KCNH8: variants seen among roughly 807,000 people sequenced by gnomAD.
The protein encoded by KCNH8 is potassium voltage-gated channel subfamily H member 8.
In KCNH8, 70 loss-of-function variants were observed where a neutral mutation model predicts 103.6. The observed-to-expected ratio is 0.68, with a 90% CI of 0.56 to 0.82. KCNH8 has a LOEUF of 0.82. Among genes scored for constraint, KCNH8 ranks in the 40% least tolerant of loss-of-function variants. The pLI, the probability that KCNH8 is intolerant of heterozygous loss-of-function variation, is 0.00. For missense variants in KCNH8, 1,217 were observed against 1,329.9 expected, an observed-to-expected ratio of 0.92 and a Z score of 1.32; for synonymous variants, 498 against 489.4, an observed-to-expected ratio of 1.02 and a Z score of -0.23.
intron 7 of KCNH8, among the ~76,000 whole-genome samples, chr3:19,431,592 C>CAGAA (rs1225771298): frequency 5.3e-5 from 8 of 152,112 alleles, no homozygotes; most frequent in African/African-American, 1.7e-4. Flanking sequence ...AGACTTCAGC[C>CAGAA]AGAAATCTGT....
chr3:19,193,238 C>T (rs1028315018), intron 1 of KCNH8, among the ~76,000 whole-genome samples: 1 of 151,418 alleles, frequency 6.6e-6, no homozygotes, highest in African/African-American at 2.4e-5. Flanking sequence ...TTTGCAAGAC[C>T]TGTAATTTGG....
At chr3:19,444,461 CA>C (rs149352791) in intron 8 of KCNH8, among the ~76,000 whole-genome samples, 2,056 of 151,952 alleles carry the variant, frequency 0.014, 46 homozygotes, top group African/African-American at 0.045. Context: ...GTTTCCTAAT[CA>C]TGACACAAAA....
At chr3:19,477,417 TG>T (rs2067999651) in intron 11 of KCNH8, among the ~76,000 whole-genome samples, 1 of 149,214 alleles carries the variant, frequency 6.7e-6, no homozygotes, top group East Asian at 2.1e-4. Context: ...AGGATTTTTT[TG>T]GTTTTCTTTT....
intron 1 of KCNH8, among the ~76,000 whole-genome samples, chr3:19,162,050 C>G (rs944699347): frequency 2.0e-5 from 3 of 151,932 alleles, no homozygotes; most frequent in African/African-American, 7.2e-5. Flanking sequence ...AGTTATTAGT[C>G]TTTTCTAAAT....
intron 2 of KCNH8, 54 bp from the exon 3 acceptor site, chr3:19,281,144 A>T: frequency 1.3e-6 from 2 of 1,567,124 alleles, no homozygotes; most frequent in African/African-American, 1.4e-5. Flanking sequence ...AGATTTCCAT[A>T]GAGATAACAC....
chr3:19,346,650 A>T lies in KCNH8; in HGVS notation c.571-1075A>T, dbSNP rs1184511255. The T allele has an allele frequency of 6.6e-6, 3 of 456,252 alleles. No individual in the cohort carries two copies. In the East Asian group the frequency reaches 2.1e-4, roughly 32 times the overall value. The allele number at this position is 456,252 out of a possible 1,614,324, so 28.3% of individuals were successfully genotyped here. A position where few individuals can be genotyped will look rare whatever the true frequency, so the allele number is the denominator to read the frequency against. The stretch of plus-strand genomic sequence containing the variant: ...CTTTCTGAACCTTTCTTGAATCCTC[A>T]GGTACTTCAGGATCCCTGAACACAT... On this transcript the variant is annotated intron_variant, in intron 4 of 15. Transcript: ENST00000328405.
intron 3 of KCNH8, among the ~76,000 whole-genome samples, chr3:19,307,478 C>T (rs1245178027): frequency 4.6e-5 from 7 of 151,832 alleles, no homozygotes; most frequent in East Asian, 3.9e-4. Flanking sequence ...AAGGACAGTA[C>T]GGAAGTTCTT....
chr3:19,180,742 A>G (rs2063444446), intron 1 of KCNH8, among the ~76,000 whole-genome samples: 3 of 152,114 alleles, frequency 2.0e-5, no homozygotes. Context: ...AATCTCCCCA[A>G]AAAGACTATT....
At chr3:19,420,721 T>C (rs930237520) in intron 7 of KCNH8, among the ~76,000 whole-genome samples, 4 of 152,218 alleles carry the variant, frequency 2.6e-5, no homozygotes, top group Non-Finnish European at 5.9e-5. Context: ...CAGTGCTTTA[T>C]ATGTTTCATA....
chr3:19,347,915 C>T lies in KCNH8; in HGVS notation c.761C>T (p.Thr254Ile). 1 of 1,613,270 alleles carries T rather than the reference C, an allele frequency of 6.2e-7. No homozygotes were observed. The highest frequency in any genetic ancestry group is 8.5e-7 in the Non-Finnish European group (1 of 1,179,426). Residue 254 changes from threonine (T) to isoleucine (I), a missense_variant, in exon 5 of 16, where the codon ACT becomes ATT. Thr to Ile is a moderately conservative substitution (Grantham distance 89). Coordinates refer to ENST00000328405, the MANE Select transcript of KCNH8 (RefSeq NM_144633.3). ...CFIGNDDLST[T>I]RSTTVSDIAV... Reference sequence around the variant, plus strand: ...ATTGGCAATGACGACCTGTCCACAACTCGGAGCACAACCGTCAGTGACATT... The same window carrying T: ...ATTGGCAATGACGACCTGTCCACAATTCGGAGCACAACCGTCAGTGACATT...
At chr3:19,299,954 A>G (rs1370506541) in intron 3 of KCNH8, among the ~76,000 whole-genome samples, 1 of 152,168 alleles carries the variant, frequency 6.6e-6, no homozygotes, top group African/African-American at 2.4e-5. Context: ...AAGTATATAT[A>G]AAAGAAAATA....
intron 13 of KCNH8, 103 bp downstream of exon 13, chr3:19,513,428 CT>C: frequency 1.4e-6 from 2 of 1,433,008 alleles, no homozygotes; most frequent in Non-Finnish European, 1.9e-6. Context: ...CCACAGATTC[CT>C]AGCCTGGAAT....
chr3:19,431,413 G>A (rs554126360), intron 7 of KCNH8, among the ~76,000 whole-genome samples: 7 of 152,146 alleles, frequency 4.6e-5, no homozygotes, highest in African/African-American at 9.6e-5. Flanking sequence ...TTTTTGCATC[G>A]ATGTTCATCA....
intron 7 of KCNH8, among the ~76,000 whole-genome samples, chr3:19,429,087 T>C (rs1203279947): frequency 2.0e-5 from 3 of 152,116 alleles, no homozygotes; most frequent in Middle Eastern, 3.2e-3. Flanking sequence ...CCACTACTTA[T>C]TGTTTTTCAC....
chr3:19,201,124 A>G (rs2063654693), intron 1 of KCNH8, among the ~76,000 whole-genome samples: 1 of 148,022 alleles, frequency 6.8e-6, no homozygotes, highest in Non-Finnish European at 1.5e-5. Context: ...CCCAGCTACT[A>G]GGAAGGCTGA....
At chr3:19,464,113 A>AT (rs1422130318) in intron 11 of KCNH8, among the ~76,000 whole-genome samples, 2 of 152,108 alleles carry the variant, frequency 1.3e-5, no homozygotes, top group African/African-American at 4.8e-5. Flanking sequence ...GAAGAACAAA[A>AT]TTTGAGGATT....
At chr3:19,496,806 G>C (rs886243757) in intron 11 of KCNH8, among the ~76,000 whole-genome samples, 1 of 152,132 alleles carries the variant, frequency 6.6e-6, no homozygotes, top group Non-Finnish European at 1.5e-5. Context: ...ATTTGGCTGT[G>C]AATCCGTCTA....
intron 15 of KCNH8, among the ~76,000 whole-genome samples, chr3:19,531,310 T>C (rs894327430): frequency 6.6e-6 from 1 of 152,158 alleles, no homozygotes; most frequent in Non-Finnish European, 1.5e-5. Flanking sequence ...TGAATGTAGG[T>C]AGTGCAAAGA....
chr3:19,289,803 G>T (rs2064891463), intron 3 of KCNH8, among the ~76,000 whole-genome samples: 2 of 152,158 alleles, frequency 1.3e-5, no homozygotes. Flanking sequence ...GTATCTTGAT[G>T]TGGATGGCAC....
Sources: gnomAD v4.1 joint callset for allele counts (sites outside exome capture counted in the v4.1 genomes callset) on GRCh38, gnomAD v4.1.1 for gene constraint, MANE v1.5 for transcripts, NCBI Gene and HGNC (gene_info 2026-07-23, HGNC 2026-07-21) for gene names.